The following DHRSX variants were observed in gnomAD, a reference collection of about 807,000 sequenced individuals.
The protein encoded by DHRSX is dehydrogenase/reductase X-linked, also known as polyprenol dehydrogenase.
A neutral mutation model predicts 34.0 loss-of-function variants in DHRSX; 31 were observed. The observed-to-expected ratio is 0.91, with a 90% confidence interval of 0.69 to 1.23. The LOEUF (loss-of-function observed/expected upper bound fraction) is 1.23, where lower values mean the gene tolerates loss of function less well. Among genes scored for constraint, DHRSX ranks in the 50% most tolerant of loss-of-function variants. DHRSX has a pLI of 0.00. For missense variants in DHRSX, 414 were observed against 428.1 expected, an observed-to-expected ratio of 0.97 and a Z score of 0.29; for synonymous variants, 201 against 183.8, an observed-to-expected ratio of 1.09 and a Z score of -0.76.
At chrX:2,332,893 C>CG in intron 3 of DHRSX, among the ~76,000 whole-genome samples, 1 of 152,214 alleles carries the variant, frequency 6.6e-6, no homozygotes, top group Non-Finnish European at 1.5e-5. Context: ...ATGTACTCTG[C>CG]GGTGAGTACC....
chrX:2,469,187 C>T (rs1351936574), intron 1 of DHRSX, among the ~76,000 whole-genome samples: 2 of 151,982 alleles, frequency 1.3e-5, no homozygotes, highest in Non-Finnish European at 2.9e-5. Context: ...AGAATGCAGC[C>T]AAGGGACGGC....
At chrX:2,269,225 G>A (rs1016994844) in intron 4 of DHRSX, among the ~76,000 whole-genome samples, 1 of 152,146 alleles carries the variant, frequency 6.6e-6, no homozygotes, top group Non-Finnish European at 1.5e-5. Context: ...CTATGCATAT[G>A]CATTTGTATA....
intron 1 of DHRSX, among the ~76,000 whole-genome samples, chrX:2,449,276 C>T (rs1386667726): frequency 6.6e-6 from 1 of 151,872 alleles, no homozygotes; most frequent in African/African-American, 2.4e-5. Context: ...CACAAAGCGG[C>T]GAGTGTTCCC....
chrX:2,426,945 A>G (rs2043858101), intron 1 of DHRSX, among the ~76,000 whole-genome samples: 1 of 151,950 alleles, frequency 6.6e-6, no homozygotes, highest in African/African-American at 2.4e-5. Flanking sequence ...TGCCCAGCAT[A>G]CAGGGAAATG....
intron 3 of DHRSX, among the ~76,000 whole-genome samples, chrX:2,350,830 A>G (rs867607407): frequency 3.0e-4 from 46 of 152,330 alleles, no homozygotes; most frequent in Middle Eastern, 3.4e-3. Flanking sequence ...GAACCAACCC[A>G]AATGTCCATC....
intron 3 of DHRSX, among the ~76,000 whole-genome samples, chrX:2,407,184 C>T (rs1215915024): frequency 2.0e-5 from 3 of 152,196 alleles, no homozygotes; most frequent in Non-Finnish European, 4.4e-5. Flanking sequence ...AAATACCATT[C>T]TTCTTAGGTC....
chrX:2,334,169 G>GTTTTTTTTTTTTTTTTTTTTTTTTTTT (rs1326915674), intron 3 of DHRSX: 2 of 40,180 alleles, frequency 5.0e-5, no homozygotes, highest in African/African-American at 2.9e-4. Flanking sequence ...TCAAAAGTAT[G>GTTTTTTTTTTTTTTTTTTTTTTTTTTT]CTTTTTTTTT....
intron 1 of DHRSX, among the ~76,000 whole-genome samples, chrX:2,440,400 G>C (rs1409855045): frequency 6.6e-6 from 1 of 151,812 alleles, no homozygotes; most frequent in Admixed American, 6.6e-5. Context: ...CAGGGTCTCC[G>C]TATGTTGCCC....
chrX:2,384,869 C>G (rs1200976502), intron 3 of DHRSX, among the ~76,000 whole-genome samples: 1 of 150,234 alleles, frequency 6.7e-6, no homozygotes, highest in Non-Finnish European at 1.5e-5. Flanking sequence ...ATGTAACTAA[C>G]CTGCACAATG....
chrX:2,402,362 G>C (rs2043496825), intron 3 of DHRSX, among the ~76,000 whole-genome samples: 1 of 152,232 alleles, frequency 6.6e-6, no homozygotes, highest in Non-Finnish European at 1.5e-5. Context: ...GCACAATTTA[G>C]AGCAAGGTTC....
chrX:2,228,660 G>A (rs1247775705), intron 6 of DHRSX, among the ~76,000 whole-genome samples: 3 of 151,860 alleles, frequency 2.0e-5, no homozygotes, highest in Non-Finnish European at 4.4e-5. Context: ...TGAGAATTCT[G>A]ATTTCTAAGA....
At chrX:2,473,356 G>A (rs2044623417) in intron 1 of DHRSX, among the ~76,000 whole-genome samples, 1 of 152,144 alleles carries the variant, frequency 6.6e-6, no homozygotes. Context: ...AGGCGCGGGG[G>A]CTCACGCCTG....
At chrX:2,468,615 G>A (rs1268900986) in intron 1 of DHRSX, among the ~76,000 whole-genome samples, 7 of 151,564 alleles carry the variant, frequency 4.6e-5, no homozygotes, top group African/African-American at 1.5e-4. Context: ...ATGCGGCCAA[G>A]GGACCGCCGC....
At chrX:2,476,810 C>T (rs1486865461) in intron 1 of DHRSX, among the ~76,000 whole-genome samples, 1 of 152,086 alleles carries the variant, frequency 6.6e-6, no homozygotes, top group Non-Finnish European at 1.5e-5. Flanking sequence ...TCAAGACCAG[C>T]CTGGCCAACA....
rs1398050434 is a variant in DHRSX, at chrX:2,248,803, A to G, written c.597-5573T>C. Among the ~76,000 whole-genome samples the G allele has an allele frequency of 2.6e-5, 4 of 151,670 alleles. No individual in the cohort carries two copies. In the East Asian group the frequency reaches 7.8e-4, roughly 29 times the overall value. ...TCTAGACAGGCCTGTCTGTTTCCCC[A>G]CTCAGACCGTCAGCCTTAGATCACA... On this transcript the variant is annotated intron_variant, in intron 5 of 6. Coordinates refer to ENST00000334651, the MANE Select transcript of DHRSX (RefSeq NM_145177.3).
At chrX:2,269,719 C>CA (rs2041523895) in intron 4 of DHRSX, among the ~76,000 whole-genome samples, 1 of 152,002 alleles carries the variant, frequency 6.6e-6, no homozygotes, top group Non-Finnish European at 1.5e-5. Context: ...TCTGTATTTT[C>CA]AGTAGAGACG....
chrX:2,489,280 C>T, intron 1 of DHRSX: 2 of 1,613,982 alleles, frequency 1.2e-6, no homozygotes, highest in East Asian at 4.5e-5. Flanking sequence ...AGGGCAGCCT[C>T]TTGTAGCGGG....
intron 4 of DHRSX, among the ~76,000 whole-genome samples, chrX:2,270,472 C>A (rs1232440584): frequency 6.6e-6 from 1 of 152,182 alleles, no homozygotes; most frequent in Non-Finnish European, 1.5e-5. Flanking sequence ...GTTTTACAGC[C>A]TCTCCAACCC....
At chrX:2,443,663 C>A (rs2044090284) in intron 1 of DHRSX, among the ~76,000 whole-genome samples, 1 of 152,086 alleles carries the variant, frequency 6.6e-6, no homozygotes, top group Admixed American at 6.6e-5. Context: ...AGGACAAGTT[C>A]TTTCCAACAG....
Sources: allele counts gnomAD v4.1 joint callset (sites outside exome capture counted in the v4.1 genomes callset), GRCh38; gene constraint gnomAD v4.1.1; transcripts MANE v1.5; gene names NCBI Gene and HGNC (gene_info 2026-07-23, HGNC 2026-07-21).